Variants in CLN6 observed in about 807,000 individuals in gnomAD.
The protein encoded by CLN6 is ceroid-lipofuscinosis neuronal protein 6.
In CLN6, 22 loss-of-function variants were observed where a neutral mutation model predicts 33.3. That is an observed-to-expected ratio of 0.66 (90% CI 0.47 to 0.94). The LOEUF is 0.94. CLN6 is among the 40% of genes least tolerant of loss of function. CLN6 has a pLI of 0.00. For synonymous variants in CLN6, 201 were observed against 174.6 expected, an observed-to-expected ratio of 1.15 and a Z score of -1.19; for missense variants, 387 against 417.1, an observed-to-expected ratio of 0.93 and a Z score of 0.63.
Position 68,243,938 on chromosome 15 carries a change from G to A in CLN6, c.179+12752C>T, listed in dbSNP as rs574348893. 6.7e-5 allele frequency among the ~76,000 whole-genome samples: 10 copies of A among 150,360 alleles called. No homozygotes were observed. In the South Asian group the frequency reaches 1.5e-3, roughly 22 times the overall value. On this transcript the variant is annotated intron_variant, in intron 1 of 6. Coordinates refer to the CLN6 transcript ENST00000538696. Reference sequence around the variant, plus strand: ...AAATTAGCCGGGCCTGGTGGCGGGCGCCTATAGTCCCAGCTACTCGGGAGG... The same window carrying A: ...AAATTAGCCGGGCCTGGTGGCGGGCACCTATAGTCCCAGCTACTCGGGAGG...
chr15:68,224,618 CAAAA>C (rs57397347), intron 1 of CLN6, among the ~76,000 whole-genome samples: 117 of 104,310 alleles, frequency 1.1e-3, no homozygotes, highest in African/African-American at 4.6e-3. Flanking sequence ...GACTCTGTCT[CAAAA>C]AAAAAAAAAA....
chr15:68,229,432 T>A, intron 1 of CLN6, 70 bp downstream of exon 1: 1 of 1,240,038 alleles, frequency 8.1e-7, no homozygotes, highest in Non-Finnish European at 1.1e-6. Flanking sequence ...CCTAGGAGCG[T>A]CACGTGGCGG....
At position 68,218,655 on chromosome 15, in the gene CLN6, G is replaced by A; in HGVS notation, c.84-5C>T. The A allele has an allele frequency of 1.9e-6, 3 of 1,609,732 alleles. No individual in the cohort carries two copies. Among genetic ancestry groups the A allele is most frequent in the Non-Finnish European group, 2.6e-6 (3 of 1,176,398 alleles). ...TCAGCGCTCACAGAGCCATGCCTGG[G>A]AAGGAACCAGACGAGAGAAGTCAGC... On this transcript the variant is annotated splice_polypyrimidine_tract_variant and splice_region_variant and intron_variant, in intron 1 of 6. Transcript: ENST00000249806.
At chr15:68,226,300 C>T (rs532489034) in intron 1 of CLN6, among the ~76,000 whole-genome samples, 150 of 134,888 alleles carry the variant, frequency 1.1e-3, no homozygotes, top group African/African-American at 4.1e-3. Flanking sequence ...GCCTGGGTAA[C>T]AGTGTGAGAC....
intron 2 of CLN6, chr15:68,218,267 G>A (rs1387227439): frequency 1.0e-5 from 4 of 391,380 alleles, no homozygotes; most frequent in Non-Finnish European, 2.0e-5. Context: ...ACAGGCCAGA[G>A]GGGGTTACAG....
Position 68,247,015 on chromosome 15 carries a change from G to A in CLN6, c.179+9675C>T, listed in dbSNP as rs1190372942. Among the ~76,000 whole-genome samples, 2 of 152,026 alleles carry A rather than the reference G, an allele frequency of 1.3e-5. No homozygotes were observed. Among genetic ancestry groups the A allele is most frequent in the Admixed American group, 6.6e-5 (1 of 15,266 alleles). On this transcript the variant is annotated intron_variant, in intron 1 of 6. Coordinates refer to the CLN6 transcript ENST00000538696. This position sits in a 1 kb window ranked among gnomAD's most constrained non-coding sequence, Gnocchi z 4.2. ...TATTAAAAATACAAAAATTAGCCTG[G>A]CGTGGTGGTGCATGCCTGTAATCCC...
At chr15:68,231,979 G>A (rs905360810), upstream of CLN6, among the ~76,000 whole-genome samples, 3 of 152,196 alleles carry the variant, frequency 2.0e-5, no homozygotes, top group African/African-American at 7.2e-5. Context: ...GTGATTATCT[G>A]AGAACATGGG....
At chr15:68,239,553 A>G (rs995279703) in intron 1 of CLN6, among the ~76,000 whole-genome samples, 2 of 152,174 alleles carry the variant, frequency 1.3e-5, no homozygotes, top group Non-Finnish European at 2.9e-5. Flanking sequence ...TTTATTTATC[A>G]GGAAGATGTA....
At chr15:68,218,412 G>T in intron 2 of CLN6, 124 bp downstream of exon 2, 1 of 768,884 alleles carries the variant, frequency 1.3e-6, no homozygotes, top group Non-Finnish European at 2.3e-6. Context: ...AGGCATCCAG[G>T]CCTATTCTCT....
upstream of CLN6, among the ~76,000 whole-genome samples, chr15:68,233,549 C>T (rs552944862): frequency 6.6e-6 from 1 of 152,338 alleles, no homozygotes; most frequent in East Asian, 1.9e-4. The surrounding 1 kb of genome is among the most constrained non-coding windows in gnomAD (Gnocchi z 4.3). Context: ...TCTATCCAGT[C>T]TCTTAAGAGC....
chr15:68,229,695 G>A lies in CLN6; in HGVS notation c.-111C>T, dbSNP rs572493152. 3.3e-5 allele frequency: 27 copies of A among 815,228 alleles called. No homozygotes were observed. The African/African-American group carries it at 4.8e-4, about 14-fold the overall frequency. 50.5% of individuals were successfully genotyped at this position (815,228 alleles called of 1,614,324 possible). A position where few individuals can be genotyped will look rare whatever the true frequency, so the allele number is the denominator to read the frequency against. On this transcript the variant is annotated 5_prime_UTR_variant, in exon 1 of 7. Transcript: ENST00000249806. ...CCCAGCGCGGGGCGGTTCGGGGCGG[G>A]CCGGCGAGAGCGCGCGGCCCTCGGG...
chr15:68,243,989 C>T (rs1418306641), intron 1 of CLN6, among the ~76,000 whole-genome samples: 2 of 151,600 alleles, frequency 1.3e-5, no homozygotes, highest in Admixed American at 6.6e-5. Flanking sequence ...GGAGTGAACC[C>T]GAGAGGCGGA....
chr15:68,249,024 T>C (rs1335507620), intron 1 of CLN6, among the ~76,000 whole-genome samples: 2 of 152,226 alleles, frequency 1.3e-5, no homozygotes, highest in Non-Finnish European at 2.9e-5. Flanking sequence ...AAGATCTGAA[T>C]TGACATTTGT....
At chr15:68,225,899 G>A (rs539050995) in intron 1 of CLN6, among the ~76,000 whole-genome samples, 1 of 152,208 alleles carries the variant, frequency 6.6e-6, no homozygotes, top group South Asian at 2.1e-4. Context: ...GAACTCTGGA[G>A]GTGGAGGTTG....
chr15:68,255,345 C>G (rs1410920116), intron 1 of CLN6, among the ~76,000 whole-genome samples: 3 of 152,138 alleles, frequency 2.0e-5, no homozygotes, highest in Admixed American at 1.3e-4. Context: ...GTCAGGCAAT[C>G]TAGCCTTTCC....
intron 1 of CLN6, among the ~76,000 whole-genome samples, chr15:68,250,363 C>T (rs1595832143): frequency 6.6e-6 from 1 of 151,682 alleles, no homozygotes; most frequent in Non-Finnish European, 1.5e-5. Context: ...TGGCTCATGC[C>T]TATAATCCCA....
At chr15:68,213,819 A>C (rs4777026) in intron 3 of CLN6, 177,378 of 177,398 alleles carry the variant, frequency 1, 88,679 homozygotes, top group Middle Eastern at 1. Context: ...AGTTCCTGCT[A>C]GTGCTCCCAG....
chr15:68,254,441 G>A, intron 1 of CLN6: 1 of 284,988 alleles, frequency 3.5e-6, no homozygotes, highest in Non-Finnish European at 6.8e-6. Context: ...TGTGCTGTAA[G>A]TATGAAATAC....
chr15:68,215,989 TTTG>T (rs374779289), intron 2 of CLN6, among the ~76,000 whole-genome samples: 422 of 152,238 alleles, frequency 2.8e-3, no homozygotes, highest in Non-Finnish European at 5.2e-3. Context: ...TGTAAATGTT[TTTG>T]TTTTTAACAA....
Sources: allele counts gnomAD v4.1 joint callset (sites outside exome capture counted in the v4.1 genomes callset), GRCh38; gene constraint gnomAD v4.1.1; non-coding constraint Gnocchi (gnomAD v3.1); transcripts MANE v1.5; gene names NCBI Gene and HGNC (gene_info 2026-07-23, HGNC 2026-07-21).